Variants in PTPRM observed in about 807,000 individuals in gnomAD.
PTPRM encodes the protein protein tyrosine phosphatase receptor type M, also known as receptor-type tyrosine-protein phosphatase mu.
PTPRM carries 47 observed loss-of-function variants against 186.7 expected under a neutral mutation model. That is an observed-to-expected ratio of 0.25 (90% CI 0.20 to 0.32). The LOEUF (loss-of-function observed/expected upper bound fraction) is 0.32, where lower values mean the gene tolerates loss of function less well. Among genes scored for constraint, PTPRM ranks in the 10% least tolerant of loss-of-function variants. The pLI is 1.00. For missense variants in PTPRM, 1,494 were observed against 1,865.0 expected (o/e 0.80, Z 3.66); for synonymous variants, 668 against 674.9 (o/e 0.99, Z 0.16).
chr18:7,877,749 C>T (rs1445565432), intron 2 of PTPRM, among the ~76,000 whole-genome samples: 4 of 152,178 alleles, frequency 2.6e-5, no homozygotes, highest in Non-Finnish European at 5.9e-5. Flanking sequence ...CTCCTCAGGT[C>T]CTGCCCAGCA....
chr18:8,346,384 A>G (rs573811099), intron 23 of PTPRM, among the ~76,000 whole-genome samples: 38 of 152,312 alleles, frequency 2.5e-4, no homozygotes, highest in African/African-American at 9.1e-4. Context: ...TCATGTGGCC[A>G]CCTTCTTGCG....
intron 1 of PTPRM, among the ~76,000 whole-genome samples, chr18:7,577,454 G>A (rs113133192): frequency 5.9e-5 from 9 of 152,210 alleles, no homozygotes; most frequent in African/African-American, 2.2e-4. Context: ...AAGATTCCAT[G>A]ACAGGGAATA....
At chr18:7,897,394 G>A (rs1009495337) in intron 3 of PTPRM, among the ~76,000 whole-genome samples, 1 of 152,214 alleles carries the variant, frequency 6.6e-6, no homozygotes, top group African/African-American at 2.4e-5. Context: ...ATTGCTTCAT[G>A]CCTCTAGAGG....
chr18:7,799,943 T>G (rs1298270849), intron 2 of PTPRM, among the ~76,000 whole-genome samples: 1 of 152,196 alleles, frequency 6.6e-6, no homozygotes, highest in Non-Finnish European at 1.5e-5. Flanking sequence ...CTTTATGCTG[T>G]CCTTACCTTT....
intron 26 of PTPRM, 157 bp downstream of exon 26, chr18:8,376,754 CT>C: frequency 1.0e-6 from 1 of 967,406 alleles, no homozygotes; most frequent in Non-Finnish European, 1.5e-6. Context: ...TCCCTTCCCC[CT>C]TTTTGTTTTT....
At chr18:8,141,304 C>T (rs1463142256) in intron 13 of PTPRM, among the ~76,000 whole-genome samples, 3 of 152,218 alleles carry the variant, frequency 2.0e-5, no homozygotes, top group African/African-American at 7.2e-5. Flanking sequence ...CCCACCTTTT[C>T]TGAGTCACTG....
At chr18:8,117,705 C>T (rs1007167270) in intron 13 of PTPRM, among the ~76,000 whole-genome samples, 2 of 152,002 alleles carry the variant, frequency 1.3e-5, no homozygotes. Flanking sequence ...CCTATAGGTA[C>T]AAGTTAACTA....
At chr18:7,632,033 AGTGTTCTATGCTAGGCACGTTG>A (rs2038204164) in intron 1 of PTPRM, among the ~76,000 whole-genome samples, 1 of 152,262 alleles carries the variant, frequency 6.6e-6, no homozygotes, top group African/African-American at 2.4e-5. Flanking sequence ...ACTGTGATAT[AGTGTTCTATGCTAGGCACGTTG>A]TGCTCAGAAC....
At chr18:8,343,337 A>T in intron 22 of PTPRM, 86 bp from the exon 23 acceptor site, 6 of 1,100,624 alleles carry the variant, frequency 5.5e-6, no homozygotes, top group Non-Finnish European at 8.1e-6. Flanking sequence ...GCATGTGGGT[A>T]TTAATAGATG....
chr18:8,258,371 A>T (rs958606397), intron 19 of PTPRM, among the ~76,000 whole-genome samples: 2 of 152,148 alleles, frequency 1.3e-5, no homozygotes, highest in African/African-American at 2.4e-5. Context: ...TCTCAGCTAG[A>T]GTTGAACAGG....
intron 7 of PTPRM, among the ~76,000 whole-genome samples, chr18:7,980,475 C>A (rs1039633743): frequency 6.6e-6 from 1 of 152,114 alleles, no homozygotes; most frequent in Admixed American, 6.6e-5. Flanking sequence ...CCTCAACCTC[C>A]TGGGCTCAAG....
chr18:7,978,058 A>G lies in PTPRM; in HGVS notation c.1132+22644A>G, dbSNP rs371949202. Among the ~76,000 whole-genome samples, 29 of 152,342 alleles carry G rather than the reference A, an allele frequency of 1.9e-4. No individual in the cohort carries two copies. The East Asian group carries it at 4.1e-3, about 21-fold the overall frequency. ...GTTTACAGAAGTGCCTGGCAAGGCC[A>G]CTGTTACCAACACCCTCTGATAACT... On this transcript the variant is annotated intron_variant, in intron 7 of 32. Transcript: ENST00000580170.
rs145121245 is a variant in PTPRM at position 7,794,045 on chromosome 18, C to T, written c.196+19774C>T. Among the ~76,000 whole-genome samples the T allele has an allele frequency of 2.2e-3, 329 of 152,248 alleles. 2 individuals are homozygous for T. The highest frequency in any genetic ancestry group is 7.7e-3 in the African/African-American group (320 of 41,540). On this transcript the variant is annotated intron_variant, in intron 2 of 32. Coordinates refer to ENST00000580170, the MANE Select transcript of PTPRM (RefSeq NM_001105244.2). Reference sequence around the variant, plus strand: ...GGAGAGCCTGGGCCACTAAGTGGTCCGACTCCAGGGGAAAATCATCTCCCT... The same window carrying T: ...GGAGAGCCTGGGCCACTAAGTGGTCTGACTCCAGGGGAAAATCATCTCCCT...
chr18:7,656,606 G>A (rs1011714963), intron 1 of PTPRM, among the ~76,000 whole-genome samples: 12 of 152,124 alleles, frequency 7.9e-5, no homozygotes, highest in Admixed American at 7.9e-4. Context: ...TGCCAGAAAA[G>A]TTCAGTGGTT....
chr18:7,867,842 T>C (rs1443103265), intron 2 of PTPRM, among the ~76,000 whole-genome samples: 1 of 152,196 alleles, frequency 6.6e-6, no homozygotes, highest in East Asian at 1.9e-4. Flanking sequence ...CAATCAAGCA[T>C]AGGTTTCTTC....
At chr18:7,722,700 A>G (rs1204116714) in intron 1 of PTPRM, among the ~76,000 whole-genome samples, 3 of 152,190 alleles carry the variant, frequency 2.0e-5, no homozygotes, top group African/African-American at 7.2e-5. Context: ...CCAAAAGACA[A>G]ATCATAAACT....
rs1355520292 is a variant in PTPRM, at chr18:7,568,133, G to C, written c.73+242G>C. Among the ~76,000 whole-genome samples the C allele has an allele frequency of 6.6e-6, 1 of 151,924 alleles. No individual in the cohort carries two copies. The highest frequency in any genetic ancestry group is 1.5e-5 in the Non-Finnish European group (1 of 67,938). ...CCCCGAGGGCGAGCTCCCCAGCCGG[G>C]ACTGCCAGCTCGGCCGCCGTCCTTC... is the stretch of plus-strand genomic sequence containing the variant. On this transcript the variant is annotated intron_variant, in intron 1 of 32. Coordinates refer to ENST00000580170, the MANE Select transcript of PTPRM (RefSeq NM_001105244.2). The surrounding 1 kb of genome is among the most constrained non-coding windows in gnomAD (Gnocchi z 5.1).
chr18:7,828,447 C>A (rs535811062), intron 2 of PTPRM, among the ~76,000 whole-genome samples: 38 of 151,904 alleles, frequency 2.5e-4, no homozygotes, highest in Non-Finnish European at 5.4e-4. Flanking sequence ...TGATGTTCCC[C>A]AGAATTCTTA....
intron 14 of PTPRM, among the ~76,000 whole-genome samples, chr18:8,239,503 T>C (rs1941236541): frequency 6.6e-6 from 1 of 151,774 alleles, no homozygotes; most frequent in African/African-American, 2.4e-5. Context: ...TAAAACTAAT[T>C]CCCCCTGGAG....
Sources: gnomAD v4.1 joint callset for allele counts (sites outside exome capture counted in the v4.1 genomes callset) on GRCh38, gnomAD v4.1.1 for gene constraint, Gnocchi (gnomAD v3.1) non-coding constraint, MANE v1.5 for transcripts, NCBI Gene and HGNC (gene_info 2026-07-23, HGNC 2026-07-21) for gene names.